The following CR1 variants were observed in gnomAD, a reference collection of about 807,000 sequenced individuals.
CR1 encodes the protein complement receptor type 1.
A neutral mutation model predicts 187.3 loss-of-function variants in CR1; 116 were observed. That is an observed-to-expected ratio of 0.62 (90% CI 0.53 to 0.72). CR1 has a LOEUF of 0.72. Ranked by LOEUF, CR1 falls within the 30% of genes least tolerant of loss-of-function variation. CR1 has a pLI of 0.00. For synonymous variants in CR1, 576 were observed against 747.1 expected (o/e 0.77, Z 3.73); for missense variants, 1,731 against 2,110.7 (o/e 0.82, Z 3.52).
At chr1:207,599,662 G>A (rs1661548145) in intron 35 of CR1, among the ~76,000 whole-genome samples, 1 of 152,184 alleles carries the variant, frequency 6.6e-6, no homozygotes, top group African/African-American at 2.4e-5. Context: ...TTAGATCTCT[G>A]TTTAGTGATT....
intron 46 of CR1, among the ~76,000 whole-genome samples, chr1:207,633,832 G>A (rs1662725907): frequency 6.6e-6 from 1 of 152,154 alleles, no homozygotes; most frequent in Non-Finnish European, 1.5e-5. Flanking sequence ...GTGCAGGCGG[G>A]CTGAGTCTGA....
rs1262784286 is a variant in CR1, at chr1:207,584,650, T to C, written c.5304T>C (p.His1768=). 3.7e-6 allele frequency: 6 copies of C among 1,613,136 alleles called. No individual in the cohort carries two copies. The highest frequency in any genetic ancestry group is 1.7e-5 in the Admixed American group (1 of 59,932). ...TGAGAGCTCTTGTTTTCTTTCTAGATATCTTTTGTCCAAATCCTCCAGCTA... is the reference window on the plus strand; with the variant it reads ...TGAGAGCTCTTGTTTTCTTTCTAGACATCTTTTGTCCAAATCCTCCAGCTA... ...LWNNSVPVCE[H]IFCPNPPAIL... is the part of the protein sequence containing the mutation. The change falls in exon 33 of 47, where the codon CAT becomes CAC. Residue 1768 remains histidine (H), a splice_region_variant and synonymous_variant. Coordinates refer to ENST00000367049, the MANE Select transcript of CR1 (RefSeq NM_000651.6).
chr1:207,566,087 C>T (rs1660486134), intron 24 of CR1, among the ~76,000 whole-genome samples, 164 bp downstream of exon 24: 1 of 150,246 alleles, frequency 6.7e-6, no homozygotes, highest in South Asian at 2.1e-4. Flanking sequence ...ATGTACATCA[C>T]CTGTCTTTGC....
rs1439006454 is a variant in CR1 at position 207,581,920 on chromosome 1, T to C, written c.5219T>C (p.Phe1740Ser). Residue 1740 changes from phenylalanine (F) to serine (S), a missense_variant and splice_region_variant, in exon 32 of 47, where the codon TTT becomes TCT. Physicochemically the swap from Phe to Ser is radical, Grantham distance 155. Coordinates refer to ENST00000367049, the MANE Select transcript of CR1 (RefSeq NM_000651.6). ...AKVSFVCDEG[F>S]RLKGSSVSHC... Reference sequence around the variant, plus strand: ...GCCACTACTGCTTTGTTCTTTAGGTTTCGCTTAAAGGGCAGTTCCGTTAGT... The same window carrying C: ...GCCACTACTGCTTTGTTCTTTAGGTCTCGCTTAAAGGGCAGTTCCGTTAGT... 3.1e-6 allele frequency: 5 copies of C among 1,612,184 alleles called. No homozygotes were observed. The highest frequency in any genetic ancestry group is 4.2e-6 in the Non-Finnish European group (5 of 1,178,566).
chr1:207,587,025 T>C (rs1661131164), intron 33 of CR1, among the ~76,000 whole-genome samples: 1 of 152,208 alleles, frequency 6.6e-6, no homozygotes, highest in Non-Finnish European at 1.5e-5. Flanking sequence ...TGATAAAATA[T>C]GTCTTGCTAC....
At chr1:207,620,473 T>TA (rs1662281944) in intron 43 of CR1, among the ~76,000 whole-genome samples, 1 of 152,200 alleles carries the variant, frequency 6.6e-6, no homozygotes. Context: ...ATTTAGAAAT[T>TA]ACGTATCATT....
Position 207,587,403 on chromosome 1 carries a change from G to T in CR1, c.5548G>T (p.Glu1850Ter). ...SVRAGHCKTP[E>*]QFPFASPTIP... is the part of the protein sequence containing the mutation. ...CTCTCCAGGTCACTGTAAAACCCCA[G>T]AGCAGTTTCCATTTGCCAGTCCTAC... The change falls in exon 34 of 47, where the codon GAG (glutamate) becomes TAG (stop). Residue 1850 changes from glutamate (E) to a stop codon, truncating the protein, a stop_gained. Transcript: ENST00000367049. LOFTEE classifies it high-confidence loss of function. The T allele has an allele frequency of 6.2e-7, 1 of 1,613,508 alleles. No individual in the cohort carries two copies. The highest frequency in any genetic ancestry group is 1.1e-5 in the South Asian group (1 of 91,018).
intron 35 of CR1, among the ~76,000 whole-genome samples, chr1:207,601,451 G>A (rs1661602124): frequency 6.6e-6 from 1 of 152,006 alleles, no homozygotes; most frequent in Non-Finnish European, 1.5e-5. Context: ...GGAATTCCTG[G>A]GGGATATGGT....
At chr1:207,601,775 T>C (rs767359383) in intron 35 of CR1, among the ~76,000 whole-genome samples, 5 of 152,180 alleles carry the variant, frequency 3.3e-5, no homozygotes, top group Non-Finnish European at 7.4e-5. Flanking sequence ...TGTTTCATTG[T>C]TATTGAGTTA....
At chr1:207,610,699 T>C (rs1310836729) in intron 37 of CR1, among the ~76,000 whole-genome samples, 1 of 152,198 alleles carries the variant, frequency 6.6e-6, no homozygotes, top group Non-Finnish European at 1.5e-5. Flanking sequence ...AACATTTCGG[T>C]TAAAATACGG....
rs571487333 is a variant in CR1 at position 207,572,875 on chromosome 1, G to A, written c.4452-2720G>A. ...CCAATTTCTGTCTCTGTCCTCATAT[G>A]GCCATCTTCCCTCTGGGTCTGTGTC... is the stretch of plus-strand genomic sequence containing the variant. On this transcript the variant is annotated intron_variant, in intron 27 of 46. Coordinates refer to ENST00000367049, the MANE Select transcript of CR1 (RefSeq NM_000651.6). Among the ~76,000 whole-genome samples the A allele has an allele frequency of 9.9e-3, 1,484 of 149,674 alleles. 14 individuals carry two copies. Among genetic ancestry groups the A allele is most frequent in the Non-Finnish European group, 0.017 (1,142 of 67,354 alleles).
intron 4 of CR1, among the ~76,000 whole-genome samples, chr1:207,519,227 T>A (rs1328445733): frequency 1.3e-5 from 2 of 152,026 alleles, no homozygotes; most frequent in African/African-American, 4.8e-5. Context: ...CTTATAAACA[T>A]CATATAGTAA....
intron 3 of CR1, among the ~76,000 whole-genome samples, chr1:207,510,770 CTCCCTTCCT>C (rs1238441785): frequency 5.3e-5 from 8 of 150,132 alleles, no homozygotes; most frequent in Non-Finnish European, 1.2e-4. Flanking sequence ...TCCTTCCTCC[CTCCCTTCCT>C]TCCTTTCCTT....
intron 35 of CR1, among the ~76,000 whole-genome samples, chr1:207,593,907 C>T (rs1661351790): frequency 6.6e-6 from 1 of 152,168 alleles, no homozygotes; most frequent in African/African-American, 2.4e-5. Context: ...ATTGAGATAC[C>T]ATCTTGGGCC....
intron 33 of CR1, among the ~76,000 whole-genome samples, chr1:207,586,191 A>G (rs1571562142): frequency 6.6e-6 from 1 of 151,914 alleles, no homozygotes. Flanking sequence ...CAGGTGGAGT[A>G]GAGTGGTGCA....
At position 207,526,906 on chromosome 1, in the gene CR1, G is replaced by A; in HGVS notation, c.1040G>A (p.Ser347Asn). The change falls in exon 6 of 47, where the codon AGC (serine) becomes AAC (asparagine). Residue 347 changes from serine (S) to asparagine (N), a missense_variant. By Grantham distance (46) the Ser-to-Asn change is conservative (BLOSUM62 1). Around this residue, in one of 5 missense-constraint regions of CR1, gnomAD observed 17 missense variants for 214.5 expected, o/e 0.08. Coordinates refer to ENST00000367049, the MANE Select transcript of CR1 (RefSeq NM_000651.6). ...SMRCTPQGDW[S>N]PAAPTCEVKS... ...CGCTGCACACCCCAGGGAGACTGGA[G>A]CCCTGCAGCCCCCACATGTGAAGGT... 5.4e-6 allele frequency: 8 copies of A among 1,476,116 alleles called. 2 individuals carry two copies. The highest frequency in any genetic ancestry group is 5.3e-6 in the Non-Finnish European group (6 of 1,122,604). 91.4% of individuals were successfully genotyped at this position (1,476,116 alleles called of 1,614,324 possible). A position where few individuals can be genotyped will look rare whatever the true frequency, so the allele number is the denominator to read the frequency against.
intron 25 of CR1, 43 bp downstream of exon 25, chr1:207,568,085 C>T: frequency 6.2e-7 from 1 of 1,610,636 alleles, no homozygotes. Context: ...TTCAGAATAT[C>T]TAACCCAGCC....
At chr1:207,607,762 T>C (rs1028248797) in intron 36 of CR1, among the ~76,000 whole-genome samples, 2 of 152,232 alleles carry the variant, frequency 1.3e-5, no homozygotes, top group Non-Finnish European at 2.9e-5. Flanking sequence ...CCTAAGCCTC[T>C]GATCATTTTG....
At chr1:207,574,962 C>T (rs1207297590) in intron 27 of CR1, among the ~76,000 whole-genome samples, 1 of 152,088 alleles carries the variant, frequency 6.6e-6, no homozygotes, top group African/African-American at 2.4e-5. Context: ...AAATAAGCCC[C>T]CTCATTTTTG....
Sources: allele counts gnomAD v4.1 joint callset (sites outside exome capture counted in the v4.1 genomes callset), GRCh38; gene constraint gnomAD v4.1.1; regional missense constraint gnomAD v4.1.1; transcripts MANE v1.5; gene names NCBI Gene and HGNC (gene_info 2026-07-23, HGNC 2026-07-21).